Variants in PSMD9 observed in about 807,000 individuals in gnomAD.
The protein encoded by PSMD9 is 26S proteasome non-ATPase regulatory subunit 9.
Under a neutral mutation model 25.9 loss-of-function variants are expected in PSMD9, and 26 were observed. The observed-to-expected ratio is 1.00, with a 90% CI of 0.73 to 1.39. The LOEUF (loss-of-function observed/expected upper bound fraction) is 1.39, where lower values mean the gene tolerates loss of function less well. Among genes scored for constraint, PSMD9 ranks in the 40% most tolerant of loss-of-function variants. The pLI is 0.00. For synonymous variants in PSMD9, 110 were observed against 114.5 expected (o/e 0.96, Z 0.25); for missense variants, 303 against 299.3 (o/e 1.01, Z -0.09).
At chr12:121,911,784 C>G (rs950226794) in intron 4 of PSMD9, among the ~76,000 whole-genome samples, 3 of 151,320 alleles carry the variant, frequency 2.0e-5, no homozygotes, top group Non-Finnish European at 4.4e-5. Context: ...TCCTGAGTAG[C>G]TGGGATTACA....
intron 4 of PSMD9, among the ~76,000 whole-genome samples, chr12:121,913,323 C>T (rs527778507): frequency 1.3e-5 from 2 of 152,168 alleles, no homozygotes; most frequent in South Asian, 4.1e-4. Flanking sequence ...TCATGATCCG[C>T]CTGCCTTGGC....
intron 1 of PSMD9, among the ~76,000 whole-genome samples, chr12:121,890,736 T>C (rs182416561): frequency 2.0e-5 from 3 of 152,108 alleles, no homozygotes; most frequent in African/African-American, 7.2e-5. Flanking sequence ...CCTCCCAAAG[T>C]GTTGGGGTTA....
At chr12:121,895,052 C>T (rs75113161) in intron 2 of PSMD9, among the ~76,000 whole-genome samples, 27 of 148,542 alleles carry the variant, frequency 1.8e-4, no homozygotes, top group Non-Finnish European at 1.9e-4. Flanking sequence ...CTCTCTCTCT[C>T]TTTTTTTTTT....
intron 2 of PSMD9, chr12:121,898,815 T>TG (rs1879307749): frequency 6.5e-6 from 1 of 152,726 alleles, no homozygotes; most frequent in Admixed American, 6.6e-5. Flanking sequence ...TCCGCCTCCC[T>TG]GGTTCACGCC....
In PSMD9 at chr12:121,894,764, C is replaced by T. The variant is rs200752587; in HGVS notation, c.164C>T (p.Pro55Leu). ...ESQKGIGMNE[P>L]LVDCEGYPRS... ...CAAAAAGGCATTGGGATGAACGAGC[C>T]GCTGGTGGACTGTGAGGGCTACCCC... The change falls in exon 2 of 6, where the codon CCG becomes CTG. Residue 55 changes from proline (P) to leucine (L), a missense_variant. Pro to Leu is a moderately conservative substitution (Grantham distance 98). Coordinates refer to ENST00000541212, the MANE Select transcript of PSMD9 (RefSeq NM_002813.7). 8.7e-6 allele frequency: 14 copies of T among 1,614,080 alleles called. No homozygotes were observed. The highest frequency in any genetic ancestry group is 1.3e-5 in the African/African-American group (1 of 75,016).
intron 3 of PSMD9, among the ~76,000 whole-genome samples, chr12:121,900,997 A>AG (rs1465361852): frequency 7.9e-5 from 12 of 151,058 alleles, no homozygotes; most frequent in Non-Finnish European, 1.6e-4. Context: ...AAAAAAAAAA[A>AG]AAAAAAAAAA....
At chr12:121,911,259 T>G (rs1221169541) in intron 4 of PSMD9, among the ~76,000 whole-genome samples, 1 of 152,124 alleles carries the variant, frequency 6.6e-6, no homozygotes, top group Admixed American at 6.6e-5. Context: ...AGGCTGGTCT[T>G]AAACTCCTTA....
intron 2 of PSMD9, among the ~76,000 whole-genome samples, chr12:121,896,387 T>C (rs554263801): frequency 2.0e-5 from 3 of 151,930 alleles, no homozygotes; most frequent in Non-Finnish European, 4.4e-5. Flanking sequence ...GGAGAATCAC[T>C]TGAACCCAGG....
intron 3 of PSMD9, chr12:121,902,077 A>G (rs1263916222): frequency 6.6e-6 from 1 of 152,070 alleles, no homozygotes; most frequent in African/African-American, 2.4e-5. Context: ...AATTGTTACC[A>G]CTTTTTGGCT....
rs7138443 is a variant in PSMD9, at chr12:121,899,946, G to A, written c.453+101G>A. On this transcript the variant is annotated intron_variant, in intron 3 of 5. Transcript: ENST00000541212. ...GACAGACTAGTTCTCTCCGTGCTGC[G>A]GTGCTGAGTTCAGTTACTCATTTAA... The A allele has an allele frequency of 3.4e-4, 454 of 1,316,320 alleles. 3 individuals are homozygous for A. The African/African-American group carries it at 5.9e-3, about 17-fold the overall frequency. 81.5% of individuals were successfully genotyped at this position (1,316,320 alleles called of 1,614,324 possible).
chr12:121,894,628 G>A, intron 1 of PSMD9, 111 bp from the exon 2 acceptor site: 1 of 913,748 alleles, frequency 1.1e-6, no homozygotes, highest in Non-Finnish European at 1.7e-6. Flanking sequence ...GTATGTGGCA[G>A]TTTTCATTAC....
chr12:121,893,063 A>G (rs1879132794), intron 1 of PSMD9, among the ~76,000 whole-genome samples: 1 of 152,200 alleles, frequency 6.6e-6, no homozygotes. Context: ...GAGAATTGGG[A>G]GAGGAATATG....
At chr12:121,908,217 T>C (rs1370032505) in intron 4 of PSMD9, 1 of 151,902 alleles carries the variant, frequency 6.6e-6, no homozygotes, top group Admixed American at 6.6e-5. Flanking sequence ...TCGCTCTTGT[T>C]GCCCAGGCTG....
At chr12:121,907,232 G>A (rs1381567830) in intron 4 of PSMD9, among the ~76,000 whole-genome samples, 7 of 151,956 alleles carry the variant, frequency 4.6e-5, no homozygotes, top group African/African-American at 4.8e-5. Context: ...ACCACGCCCA[G>A]CTAATTTTTG....
At chr12:121,895,422 TAC>T (rs976705067) in intron 2 of PSMD9, among the ~76,000 whole-genome samples, 70 of 152,234 alleles carry the variant, frequency 4.6e-4, no homozygotes, top group Admixed American at 2.2e-3. Flanking sequence ...TAGCAGAGAG[TAC>T]AGATTGGATA....
At chr12:121,907,317 G>T (rs1212673577) in intron 4 of PSMD9, among the ~76,000 whole-genome samples, 2 of 151,852 alleles carry the variant, frequency 1.3e-5, no homozygotes, top group African/African-American at 2.4e-5. Flanking sequence ...TGATCTGCCC[G>T]CCTCGGCCTC....
At chr12:121,902,913 G>C (rs1304167674) in intron 3 of PSMD9, 93 bp from the exon 4 acceptor site, 2 of 1,009,308 alleles carry the variant, frequency 2.0e-6, no homozygotes, top group Non-Finnish European at 1.6e-6. Context: ...ACAAGCTCGT[G>C]ACCTTGGCAT....
chr12:121,912,976 A>G (rs12369201), intron 4 of PSMD9, among the ~76,000 whole-genome samples: 112,419 of 144,700 alleles, frequency 0.78, 43,573 homozygotes, highest in Middle Eastern at 0.82. Context: ...TCGCTCTGTC[A>G]CCCAGGCTGG....
Position 121,894,878 on chromosome 12 carries a change from G to T in PSMD9, c.241+37G>T, listed in dbSNP as rs375334195. ...TCTTAGAAGACTTTCCCCACCTTGT[G>T]GTGGGAAGGTGTTAAAGGCATACAA... On this transcript the variant is annotated intron_variant, in intron 2 of 5. Transcript: ENST00000541212. 1.9e-6 allele frequency: 3 copies of T among 1,558,532 alleles called. No individual in the cohort carries two copies. The African/African-American group carries it at 4.1e-5, about 21-fold the overall frequency.
Sources: gnomAD v4.1 joint callset for allele counts (sites outside exome capture counted in the v4.1 genomes callset) on GRCh38, gnomAD v4.1.1 for gene constraint, MANE v1.5 for transcripts, NCBI Gene and HGNC (gene_info 2026-07-23, HGNC 2026-07-21) for gene names.